The following OR52N2 variants were observed in gnomAD, a reference collection of about 807,000 sequenced individuals.
OR52N2 encodes the protein olfactory receptor family 52 subfamily N member 2.
For missense variants in OR52N2, 326 were observed against 196.6 expected (o/e 1.66, Z -3.94); for synonymous variants, 129 against 72.0 (o/e 1.79, Z -4.01).
chr11:5,819,830 G>A (rs1214652883), intron 1 of OR52N2, among the ~76,000 whole-genome samples: 1 of 152,170 alleles, frequency 6.6e-6, no homozygotes, highest in Non-Finnish European at 1.5e-5. Context: ...TTGAGATATT[G>A]TTAAAAACGG....
intron 1 of OR52N2, among the ~76,000 whole-genome samples, chr11:5,814,220 C>A (rs1846384808): frequency 6.6e-6 from 1 of 152,120 alleles, no homozygotes. Flanking sequence ...GTAAAATTAT[C>A]TTTGTTCACC....
rs146565812 is a variant in OR52N2 at position 5,814,928 on chromosome 11, T to C, written c.-54-5354T>C. 1.5e-3 allele frequency among the ~76,000 whole-genome samples: 232 copies of C among 152,286 alleles called. 2 individuals carry two copies. Among genetic ancestry groups the C allele is most frequent in the African/African-American group, 5.1e-3 (211 of 41,568 alleles). ...CCAGAGTGAACCCTCACATATGTGG[T>C]AAAGTTACTTTTGACAAGAGTGTCA... On this transcript the variant is annotated intron_variant, in intron 1 of 1. Coordinates refer to ENST00000317037, the MANE Select transcript of OR52N2 (RefSeq NM_001005174.3).
chr11:5,813,396 C>T (rs1846378926), intron 1 of OR52N2, among the ~76,000 whole-genome samples: 1 of 152,086 alleles, frequency 6.6e-6, no homozygotes, highest in Admixed American at 6.5e-5. Flanking sequence ...AATTCCTTGG[C>T]ACTTACAACT....
intron 1 of OR52N2, among the ~76,000 whole-genome samples, chr11:5,811,963 T>A (rs10838665): frequency 0.66 from 100,671 of 151,918 alleles, 34,015 homozygotes; most frequent in South Asian, 0.74. Context: ...CAAAAACTGT[T>A]AAGGCAGGAA....
intron 1 of OR52N2, among the ~76,000 whole-genome samples, chr11:5,819,098 G>A (rs1043208029): frequency 6.6e-6 from 1 of 152,150 alleles, no homozygotes; most frequent in Non-Finnish European, 1.5e-5. Flanking sequence ...TGTAATCCAT[G>A]CCATCACACT....
At chr11:5,819,552 T>C (rs1398477923) in intron 1 of OR52N2, among the ~76,000 whole-genome samples, 1 of 152,216 alleles carries the variant, frequency 6.6e-6, no homozygotes, top group Non-Finnish European at 1.5e-5. Flanking sequence ...TACGTAAAAC[T>C]TGTTAATGAT....
chr11:5,809,649 CA>C (rs11340711), intron 1 of OR52N2, among the ~76,000 whole-genome samples: 1,282 of 103,212 alleles, frequency 0.012, 2 homozygotes, highest in African/African-American at 0.027. Flanking sequence ...CATTGTCTTT[CA>C]AAAAAAAAAA....
In OR52N2 at chr11:5,815,416, G is replaced by T. The variant is rs186677855; in HGVS notation, c.-54-4866G>T. On this transcript the variant is annotated intron_variant, in intron 1 of 1. Coordinates refer to ENST00000317037, the MANE Select transcript of OR52N2 (RefSeq NM_001005174.3). ...ACAGCTTAATAAGAAATGGGCAAAGGATTAGAATAGACATTTCTCCAAAGA... is the reference window on the plus strand; with the variant it reads ...ACAGCTTAATAAGAAATGGGCAAAGTATTAGAATAGACATTTCTCCAAAGA... 3.5e-3 allele frequency among the ~76,000 whole-genome samples: 539 copies of T among 152,048 alleles called. 4 individuals are homozygous for T. Among genetic ancestry groups the T allele is most frequent in the African/African-American group, 0.012 (509 of 41,492 alleles).
chr11:5,810,119 G>A (rs1030969611), intron 1 of OR52N2, among the ~76,000 whole-genome samples: 1 of 152,184 alleles, frequency 6.6e-6, no homozygotes, highest in African/African-American at 2.4e-5. Context: ...GAGCCTTGAC[G>A]CTTCACAGAA....
chr11:5,810,567 C>T (rs1486058048), intron 1 of OR52N2, among the ~76,000 whole-genome samples: 1 of 152,064 alleles, frequency 6.6e-6, no homozygotes, highest in Non-Finnish European at 1.5e-5. Context: ...AAAAGACTTT[C>T]AGAAGGAACA....
intron 1 of OR52N2, among the ~76,000 whole-genome samples, chr11:5,819,348 A>G (rs1375514415): frequency 2.0e-5 from 3 of 152,216 alleles, no homozygotes; most frequent in Non-Finnish European, 4.4e-5. Context: ...GCTATTTTTT[A>G]ATTGACTTCC....
At chr11:5,820,236 C>T (rs571746767) in intron 1 of OR52N2, 46 bp from the exon 2 acceptor site, 37 of 695,320 alleles carry the variant, frequency 5.3e-5, no homozygotes, top group South Asian at 3.6e-4. Flanking sequence ...TTTGTCCAAA[C>T]CAGTACCTCT....
At chr11:5,813,768 C>T (rs924784257) in intron 1 of OR52N2, among the ~76,000 whole-genome samples, 1 of 152,074 alleles carries the variant, frequency 6.6e-6, no homozygotes, top group African/African-American at 2.4e-5. Context: ...ATGCAAAAAT[C>T]CTCAACAAAT....
intron 1 of OR52N2, among the ~76,000 whole-genome samples, chr11:5,814,943 C>T (rs916667028): frequency 6.6e-6 from 1 of 152,120 alleles, no homozygotes; most frequent in African/African-American, 2.4e-5. Context: ...TTACTTTTGA[C>T]AAGAGTGTCA....
intron 1 of OR52N2, among the ~76,000 whole-genome samples, chr11:5,809,977 A>G (rs1846342239): frequency 6.6e-6 from 1 of 152,246 alleles, no homozygotes; most frequent in Admixed American, 6.5e-5. Flanking sequence ...GGAAAACGGT[A>G]TAATTAATTA....
Position 5,820,835 on chromosome 11 carries a change from G to A in OR52N2, c.500G>A (p.Arg167His), listed in dbSNP as rs551878101. Residue 167 changes from arginine (R) to histidine (H), a missense_variant, in exon 2 of 2, where the codon CGC (arginine) becomes CAC (histidine). Arg to His is a conservative substitution (Grantham distance 29). Coordinates refer to ENST00000317037, the MANE Select transcript of OR52N2 (RefSeq NM_001005174.3). ...ATCCCATTCACTCTCCTCACCAAGC[G>A]CCTGCCCTATTGCCGGGGGAACTTC... Reference protein sequence around the residue: ...LIIPFTLLTKRLPYCRGNFIP... With the variant: ...LIIPFTLLTKHLPYCRGNFIP... 112 of 780,396 alleles carry A rather than the reference G, an allele frequency of 1.4e-4. No homozygotes were observed. The highest frequency in any genetic ancestry group is 1.3e-3 in the South Asian group (94 of 74,488). 48.3% of individuals were successfully genotyped at this position (780,396 alleles called of 1,614,324 possible).
Position 5,810,338 on chromosome 11 carries a change from C to G in OR52N2, c.-55+1284C>G, listed in dbSNP as rs141102985. Reference sequence around the variant, plus strand: ...CAGATGTATATCATAAAATTGTTGACATTCTCTGTCAACTCCTTGTCTCCT... The same window carrying G: ...CAGATGTATATCATAAAATTGTTGAGATTCTCTGTCAACTCCTTGTCTCCT... On this transcript the variant is annotated intron_variant, in intron 1 of 1. Coordinates refer to ENST00000317037, the MANE Select transcript of OR52N2 (RefSeq NM_001005174.3). Among the ~76,000 whole-genome samples the G allele has an allele frequency of 2.6e-3, 390 of 152,282 alleles. 1 individual carries two copies. Among genetic ancestry groups the G allele is most frequent in the African/African-American group, 9.1e-3 (377 of 41,564 alleles).
intron 1 of OR52N2, among the ~76,000 whole-genome samples, chr11:5,810,613 A>T (rs1359334014): frequency 1.3e-5 from 2 of 152,206 alleles, no homozygotes; most frequent in Admixed American, 6.5e-5. Flanking sequence ...AGCTGGTGTT[A>T]ACATTGTGGA....
chr11:5,817,779 G>A (rs777960859), intron 1 of OR52N2, among the ~76,000 whole-genome samples: 6 of 151,906 alleles, frequency 3.9e-5, no homozygotes, highest in Non-Finnish European at 7.4e-5. Flanking sequence ...TCTATCTATC[G>A]GTAGAGAAGA....
Sources: gnomAD v4.1 joint callset for allele counts (sites outside exome capture counted in the v4.1 genomes callset) on GRCh38, gnomAD v4.1.1 for gene constraint, MANE v1.5 for transcripts, NCBI Gene and HGNC (gene_info 2026-07-23, HGNC 2026-07-21) for gene names.